PCDH9: variants seen among roughly 807,000 people sequenced by gnomAD.
PCDH9 encodes the protein protocadherin 9, also known as protocadherin-9.
PCDH9 carries 24 observed loss-of-function variants against 70.6 expected under a neutral mutation model. The ratio of observed to expected loss-of-function variants is 0.34; its 90% confidence interval spans 0.25 to 0.48. The LOEUF (loss-of-function observed/expected upper bound fraction) is 0.48, where lower values mean the gene tolerates loss of function less well. PCDH9 is among the 20% of genes least tolerant of loss of function. The probability of loss-of-function intolerance (pLI) is 0.99; values close to 1 mark genes in which losing one functional copy is unlikely to be tolerated. For synonymous variants in PCDH9, 562 were observed against 558.5 expected, an observed-to-expected ratio of 1.01 and a Z score of -0.09; for missense variants, 1,281 against 1,503.6, an observed-to-expected ratio of 0.85 and a Z score of 2.45.
chr13:66,678,757 A>C (rs4884685), intron 3 of PCDH9, among the ~76,000 whole-genome samples: 52,364 of 147,816 alleles, frequency 0.35, 9,956 homozygotes, highest in East Asian at 0.57. Flanking sequence ...GTAGAAAAAT[A>C]AAAAAAATAT....
At position 66,997,168 on chromosome 13, in the gene PCDH9, C is replaced by A. The variant is rs921346891; in HGVS notation, c.3037-93563G>T. 3.3e-5 allele frequency among the ~76,000 whole-genome samples: 5 copies of A among 152,222 alleles called. No individual in the cohort carries two copies. The East Asian group carries it at 7.7e-4, about 24-fold the overall frequency. ...GTTCGTTCATTTGCATTGCTATAAA[C>A]GAATACCTGAGGCTGGGTAATTCAT... On this transcript the variant is annotated intron_variant, in intron 2 of 4. Coordinates refer to ENST00000377865, the MANE Select transcript of PCDH9 (RefSeq NM_203487.3).
At chr13:66,869,317 C>G (rs551194527) in intron 3 of PCDH9, among the ~76,000 whole-genome samples, 1 of 152,246 alleles carries the variant, frequency 6.6e-6, no homozygotes, top group South Asian at 2.1e-4. Flanking sequence ...ATTGTCAAAA[C>G]TGGCATTTCT....
chr13:66,940,110 A>G (rs1169917201), intron 2 of PCDH9, among the ~76,000 whole-genome samples: 1 of 152,182 alleles, frequency 6.6e-6, no homozygotes, highest in Admixed American at 6.5e-5. Context: ...CATTTGACTT[A>G]TGCTTTAGTC....
chr13:66,397,708 C>T lies in PCDH9; in HGVS notation c.3341-92680G>A, dbSNP rs142022033. Among the ~76,000 whole-genome samples the T allele has an allele frequency of 5.8e-3, 870 of 151,002 alleles. 3 individuals are homozygous for T. Among genetic ancestry groups the T allele is most frequent in the Non-Finnish European group, 9.7e-3 (658 of 67,698 alleles). ...ACTTTGTGAAACTGTTCCATATGTT[C>T]CATGTTATCATTGGTGTGTCAAACT... On this transcript the variant is annotated intron_variant, in intron 4 of 4. Coordinates refer to ENST00000377865, the MANE Select transcript of PCDH9 (RefSeq NM_203487.3).
chr13:66,523,510 T>C (rs1283799140), intron 4 of PCDH9, among the ~76,000 whole-genome samples: 1 of 151,990 alleles, frequency 6.6e-6, no homozygotes, highest in East Asian at 1.9e-4. Flanking sequence ...CGTAGTTTTT[T>C]TGCCAAACGA....
intron 3 of PCDH9, among the ~76,000 whole-genome samples, chr13:66,648,584 A>T (rs1052570909): frequency 4.6e-5 from 7 of 152,208 alleles, no homozygotes; most frequent in African/African-American, 1.7e-4. Context: ...GAATACCTGG[A>T]AAGCCTTTCC....
At chr13:66,853,703 C>T (rs2081351087) in intron 3 of PCDH9, among the ~76,000 whole-genome samples, 1 of 151,700 alleles carries the variant, frequency 6.6e-6, no homozygotes, top group South Asian at 2.1e-4. Flanking sequence ...GACTCACTTA[C>T]AAATAAACCT....
At chr13:66,782,595 G>A (rs2080017202) in intron 3 of PCDH9, 1 of 152,036 alleles carries the variant, frequency 6.6e-6, no homozygotes, top group African/African-American at 2.4e-5. Context: ...TGATGTTTTA[G>A]GCATATAAGA....
intron 2 of PCDH9, among the ~76,000 whole-genome samples, chr13:66,929,332 T>C (rs1244601125): frequency 6.6e-6 from 1 of 151,840 alleles, no homozygotes; most frequent in Admixed American, 6.6e-5. Flanking sequence ...TAATTTTTTA[T>C]ATATTTTTTA....
intron 2 of PCDH9, among the ~76,000 whole-genome samples, chr13:67,099,191 T>C (rs1443030323): frequency 6.6e-6 from 1 of 152,236 alleles, no homozygotes; most frequent in Non-Finnish European, 1.5e-5. Context: ...CTGAATGTTA[T>C]CTTGATGTTC....
chr13:66,310,827 T>C (rs1252783818), intron 4 of PCDH9, among the ~76,000 whole-genome samples: 1 of 152,108 alleles, frequency 6.6e-6, no homozygotes, highest in African/African-American at 2.4e-5. Context: ...TCAATTTTTA[T>C]TATAGGCAAA....
intron 4 of PCDH9, among the ~76,000 whole-genome samples, chr13:66,613,140 C>A (rs1453792779): frequency 6.6e-6 from 1 of 152,100 alleles, no homozygotes. Context: ...CTGCAAGCAG[C>A]GGCTCCCCTC....
At chr13:67,007,570 A>C (rs1351320500) in intron 2 of PCDH9, among the ~76,000 whole-genome samples, 1 of 152,196 alleles carries the variant, frequency 6.6e-6, no homozygotes, top group African/African-American at 2.4e-5. Flanking sequence ...GGAGCATGGG[A>C]TATAGAGGAG....
intron 2 of PCDH9, among the ~76,000 whole-genome samples, chr13:67,145,529 C>A (rs2087502239): frequency 6.6e-6 from 1 of 151,846 alleles, no homozygotes; most frequent in Non-Finnish European, 1.5e-5. Context: ...AAAAATCTTA[C>A]CTTATTAAAT....
intron 2 of PCDH9, chr13:67,201,069 A>T (rs1488190092): frequency 6.6e-6 from 1 of 152,116 alleles, no homozygotes; most frequent in East Asian, 1.9e-4. Flanking sequence ...TTAGTAAAGA[A>T]TGTTATCCTT....
chr13:67,071,565 C>T (rs1056601302), intron 2 of PCDH9, among the ~76,000 whole-genome samples: 2 of 151,924 alleles, frequency 1.3e-5, no homozygotes, highest in Admixed American at 6.6e-5. Context: ...GAAAGTTTAT[C>T]AATAAAAAAT....
At chr13:66,739,565 A>G (rs1327894900) in intron 3 of PCDH9, among the ~76,000 whole-genome samples, 1 of 146,748 alleles carries the variant, frequency 6.8e-6, no homozygotes, top group Admixed American at 6.9e-5. Flanking sequence ...TAAAGAGTCA[A>G]GACCCATCAG....
intron 2 of PCDH9, among the ~76,000 whole-genome samples, chr13:67,140,835 T>C (rs1224293544): frequency 1.3e-5 from 2 of 152,216 alleles, no homozygotes; most frequent in East Asian, 3.8e-4. Context: ...ATCTTGGCTG[T>C]TAGAAAGTTT....
intron 3 of PCDH9, among the ~76,000 whole-genome samples, chr13:66,849,894 A>G (rs1436367699): frequency 6.6e-6 from 1 of 152,100 alleles, no homozygotes; most frequent in Non-Finnish European, 1.5e-5. Context: ...CATACAGGGA[A>G]TGTCAGGTCA....
Sources: gnomAD v4.1 joint callset for allele counts (sites outside exome capture counted in the v4.1 genomes callset) on GRCh38, gnomAD v4.1.1 for gene constraint, MANE v1.5 for transcripts, NCBI Gene and HGNC (gene_info 2026-07-23, HGNC 2026-07-21) for gene names.